CCDC195: variants seen among roughly 807,000 people sequenced by gnomAD.
CCDC195 encodes coiled-coil domain containing 195, also known as coiled-coil domain-containing protein 195.
chr2:224,704,225 C>A (rs548835723), intron 2 of CCDC195, among the ~76,000 whole-genome samples: 1 of 152,298 alleles, frequency 6.6e-6, no homozygotes, highest in African/African-American at 2.4e-5. Flanking sequence ...ATCTTCAGCT[C>A]ATGAAATGAA....
rs932961623 is a variant in CCDC195 at position 224,703,894 on chromosome 2, G to C, written c.483-7C>G. On this transcript the variant is annotated splice_polypyrimidine_tract_variant and splice_region_variant and intron_variant, in intron 2 of 2. Coordinates refer to ENST00000638102, the Ensembl canonical transcript of CCDC195. ...GACTGCCTTTGTCTTGTCCCTACAG[G>C]AAGCAAAATAAAGGGAAGAAAAAGA... is the stretch of plus-strand genomic sequence containing the variant. 1 of 398,338 alleles carries C rather than the reference G, an allele frequency of 2.5e-6. No homozygotes were observed. The highest frequency in any genetic ancestry group is 2.1e-5 in the African/African-American group (1 of 48,598). The allele number at this position is 398,338 out of a possible 1,614,324, so 24.7% of individuals were successfully genotyped here. A position where few individuals can be genotyped will look rare whatever the true frequency, so the allele number is the denominator to read the frequency against.
intron 1 of CCDC195, among the ~76,000 whole-genome samples, chr2:224,713,746 T>C (rs1689349044): frequency 6.6e-6 from 1 of 152,150 alleles, no homozygotes; most frequent in Admixed American, 6.6e-5. Flanking sequence ...TCTTTCTGTG[T>C]TTTATTTGTG....
chr2:224,708,143 C>G (rs1173569463), intron 2 of CCDC195, among the ~76,000 whole-genome samples: 1 of 152,084 alleles, frequency 6.6e-6, no homozygotes, highest in Non-Finnish European at 1.5e-5. Flanking sequence ...GCTTGAGCCA[C>G]CGCACCTAGC....
chr2:224,706,770 A>G (rs918033209), intron 2 of CCDC195, among the ~76,000 whole-genome samples: 3 of 151,600 alleles, frequency 2.0e-5, no homozygotes, highest in Non-Finnish European at 4.4e-5. Context: ...TCAGCCTCCC[A>G]AAGTGCTGGG....
intron 2 of CCDC195, among the ~76,000 whole-genome samples, chr2:224,704,929 CT>C (rs1284754164): frequency 6.6e-6 from 1 of 152,154 alleles, no homozygotes; most frequent in Admixed American, 6.5e-5. Flanking sequence ...GCCAGGCCAG[CT>C]GCACCCTCTT....
In CCDC195 at chr2:224,710,369, G is replaced by A. The variant is rs1026773388; in HGVS notation, c.236-150C>T. The A allele has an allele frequency of 5.6e-5, 22 of 390,198 alleles. 1 individual carries two copies. The highest frequency in any genetic ancestry group is 2.9e-4 in the South Asian group (2 of 6,948). The allele number at this position is 390,198 out of a possible 1,614,324, so 24.2% of individuals were successfully genotyped here. ...ATAAAAGATATCCATTTGGCCTGGC[G>A]CGGTGGCTCACACCTGTAATCCCAG... is the stretch of plus-strand genomic sequence containing the variant. On this transcript the variant is annotated intron_variant, in intron 1 of 2. Transcript: ENST00000638102.
chr2:224,704,567 G>A lies in CCDC195; in HGVS notation c.483-680C>T, dbSNP rs188550438. On this transcript the variant is annotated intron_variant, in intron 2 of 2. Coordinates refer to ENST00000638102, the Ensembl canonical transcript of CCDC195. ...CACTGAATGACATTTGGTGGCCTGC[G>A]TCTCAGAAAACACAGCTGCACCTTT... Among the ~76,000 whole-genome samples, 7 of 145,570 alleles carry A rather than the reference G, an allele frequency of 4.8e-5. No individual in the cohort carries two copies. The East Asian group carries it at 8.0e-4, about 17-fold the overall frequency.
chr2:224,715,004 C>T (rs1385272284), intron 1 of CCDC195, among the ~76,000 whole-genome samples: 1 of 152,048 alleles, frequency 6.6e-6, no homozygotes, highest in Non-Finnish European at 1.5e-5. Context: ...TCTCAGCTCA[C>T]TACAACCTCC....
At chr2:224,715,081 A>C (rs1046233221) in intron 1 of CCDC195, among the ~76,000 whole-genome samples, 1 of 152,246 alleles carries the variant, frequency 6.6e-6, no homozygotes, top group Middle Eastern at 3.4e-3. Context: ...GGTGTGCGCC[A>C]CCACGCCTGA....
At chr2:224,706,049 A>G (rs1330635291) in intron 2 of CCDC195, among the ~76,000 whole-genome samples, 5 of 151,924 alleles carry the variant, frequency 3.3e-5, no homozygotes, top group Non-Finnish European at 7.4e-5. Flanking sequence ...AAAGTAAAAC[A>G]TTATGATATA....
At chr2:224,709,859 A>G (rs938903297) in intron 2 of CCDC195, 114 bp downstream of exon 2, 1 of 397,410 alleles carries the variant, frequency 2.5e-6, no homozygotes, top group African/African-American at 2.1e-5. Flanking sequence ...AATTATTTAT[A>G]TGCTATTTGG....
At chr2:224,705,796 A>T (rs1697233783) in intron 2 of CCDC195, among the ~76,000 whole-genome samples, 1 of 152,168 alleles carries the variant, frequency 6.6e-6, no homozygotes, top group Admixed American at 6.5e-5. Flanking sequence ...TCTTCCTTTA[A>T]TACAACCTTG....
chr2:224,706,580 G>A (rs919100315), intron 2 of CCDC195, among the ~76,000 whole-genome samples: 19 of 144,868 alleles, frequency 1.3e-4, no homozygotes, highest in African/African-American at 2.8e-4. Flanking sequence ...GCGTGATCTC[G>A]GTTCACTGCA....
intron 2 of CCDC195, among the ~76,000 whole-genome samples, chr2:224,706,086 A>G (rs1300685437): frequency 1.3e-5 from 2 of 151,948 alleles, no homozygotes; most frequent in African/African-American, 4.8e-5. Flanking sequence ...AACATATGTG[A>G]ACACAAGCTA....
chr2:224,703,852 A>G (rs1697207558), exon 3 of CCDC195: 1 of 398,466 alleles, frequency 2.5e-6, no homozygotes. Flanking sequence ...AGACATGTCC[A>G]TGGGTAACAG....
At chr2:224,710,622 G>A (rs1689307586) in intron 1 of CCDC195, among the ~76,000 whole-genome samples, 1 of 152,180 alleles carries the variant, frequency 6.6e-6, no homozygotes, top group South Asian at 2.1e-4. Context: ...TGGGTGACAA[G>A]AGGGAAACTT....
rs377622130 is a variant in CCDC195 at position 224,715,077 on chromosome 2, C to T, written c.235+1054G>A. ...CCCAGTAGCTGAGATTACAGGTGTG[C>T]GCCACCACGCCTGACTAATTTTTGT... On this transcript the variant is annotated intron_variant, in intron 1 of 2. Coordinates refer to ENST00000638102, the Ensembl canonical transcript of CCDC195. Among the ~76,000 whole-genome samples the T allele has an allele frequency of 3.3e-5, 5 of 151,926 alleles. No homozygotes were observed. The South Asian group carries it at 8.3e-4, about 25-fold the overall frequency.
chr2:224,704,725 C>G (rs1406384958), intron 2 of CCDC195, among the ~76,000 whole-genome samples: 1 of 149,572 alleles, frequency 6.7e-6, no homozygotes, highest in Non-Finnish European at 1.5e-5. Flanking sequence ...CAGGTTCAAG[C>G]TATTCTTCTG....
intron 1 of CCDC195, 37 bp downstream of exon 1, chr2:224,716,094 T>G: frequency 2.5e-6 from 1 of 398,302 alleles, no homozygotes; most frequent in Non-Finnish European, 4.4e-6. Flanking sequence ...ATTTGCAAAA[T>G]GGGCACAGCC....
Sources: gnomAD v4.1 joint callset for allele counts (sites outside exome capture counted in the v4.1 genomes callset) on GRCh38, gnomAD v4.1.1 for gene constraint, MANE v1.5 for transcripts, NCBI Gene and HGNC (gene_info 2026-07-23, HGNC 2026-07-21) for gene names.